Variants in DMD observed in about 807,000 individuals in gnomAD.
The protein encoded by DMD is mutant dystrophin.
In DMD, 63 loss-of-function variants were observed where a neutral mutation model predicts 330.1. The observed-to-expected ratio is 0.19, with a 90% CI of 0.16 to 0.24. The LOEUF (loss-of-function observed/expected upper bound fraction) is 0.24. Among genes scored for constraint, DMD ranks in the 10% least tolerant of loss-of-function variants. The pLI is 1.00. For missense variants in DMD, 3,344 were observed against 2,684.1 expected (o/e 1.25, Z -5.43); for synonymous variants, 1,223 against 959.8 (o/e 1.27, Z -5.07).
At chrX:32,691,963 A>C (rs2063313603) in intron 9 of DMD, among the ~76,000 whole-genome samples, 1 of 110,284 alleles carries the variant, frequency 9.1e-6, no homozygotes, top group African/African-American at 3.4e-5. Flanking sequence ...ACTCAAGCTG[A>C]TCAAATCAGA....
At chrX:32,308,610 T>C (rs897758049) in intron 42 of DMD, among the ~76,000 whole-genome samples, 16 of 110,910 alleles carry the variant, frequency 1.4e-4, no homozygotes, top group African/African-American at 4.9e-4. Context: ...TCTACAATAA[T>C]ACCATATTAT....
At chrX:32,506,323 G>T (rs771029570) in intron 18 of DMD, among the ~76,000 whole-genome samples, 2 of 105,244 alleles carry the variant, frequency 1.9e-5, no homozygotes, top group East Asian at 6.0e-4. Flanking sequence ...ATTGTGCTGT[G>T]AACCTATAAT....
At chrX:31,426,865 G>A (rs963577952) in intron 60 of DMD, among the ~76,000 whole-genome samples, 4 of 112,051 alleles carry the variant, frequency 3.6e-5, no homozygotes, top group Non-Finnish European at 5.6e-5. Flanking sequence ...CTGAAAAAAG[G>A]TTCTACTCAT....
chrX:33,113,427 T>C (rs1183334228), intron 1 of DMD, among the ~76,000 whole-genome samples: 1 of 112,104 alleles, frequency 8.9e-6, no homozygotes, highest in African/African-American at 3.2e-5. Flanking sequence ...AAAATAGTTT[T>C]TGATGTAAAA....
rs128626247 is a variant in DMD, at chrX:32,411,772, G to C, written c.4213C>G (p.Gln1405Glu). The change falls in exon 30 of 79, where the codon CAA (glutamine) becomes GAA (glutamate). Residue 1405 changes from glutamine (Q) to glutamate (E), a missense_variant. Gln to Glu is a conservative substitution (Grantham distance 29, BLOSUM62 2). Coordinates refer to ENST00000357033, the MANE Select transcript of DMD (RefSeq NM_004006.3). ...CTTGCCTGGGCTTCCTGAGGCATTT[G>C]AGCTGCGTCCACCTTGTCTGCAATA... ...AYIADKVDAA[Q>E]MPQEAQKIQS... 3.3e-6 allele frequency: 4 copies of C among 1,211,409 alleles called. No individual in the cohort carries two copies. Among genetic ancestry groups the C allele is most frequent in the Admixed American group, 2.2e-5 (1 of 45,977 alleles).
intron 44 of DMD, among the ~76,000 whole-genome samples, chrX:32,124,653 C>G (rs2096653017): frequency 9.0e-6 from 1 of 111,445 alleles, no homozygotes; most frequent in South Asian, 3.7e-4. Flanking sequence ...TAAAGAATGC[C>G]CAATATCTAG....
At chrX:31,214,094 C>T (rs5926996) in intron 64 of DMD, among the ~76,000 whole-genome samples, 8,418 of 74,907 alleles carry the variant, frequency 0.11, 309 homozygotes, top group Admixed American at 0.22. Flanking sequence ...TTTCTTTCCA[C>T]TGGGCTTCAC....
At chrX:31,323,498 T>A (rs2056566330) in intron 62 of DMD, 100 bp downstream of exon 62, 1 of 703,976 alleles carries the variant, frequency 1.4e-6, no homozygotes, top group African/African-American at 2.1e-5. Flanking sequence ...ACAGGTATTG[T>A]AGGCCAGGCT....
intron 67 of DMD, among the ~76,000 whole-genome samples, chrX:31,198,897 A>G (rs937873126): frequency 8.9e-6 from 1 of 112,033 alleles, no homozygotes; most frequent in Admixed American, 9.5e-5. Context: ...GTGTGCATGT[A>G]TGTGTTTTGG....
intron 25 of DMD, among the ~76,000 whole-genome samples, chrX:32,458,400 T>C (rs1393404110): frequency 2.7e-5 from 3 of 111,877 alleles, no homozygotes; most frequent in African/African-American, 9.7e-5. Context: ...TTTGACAATA[T>C]ACATTTAGAT....
intron 2 of DMD, among the ~76,000 whole-genome samples, chrX:32,937,981 G>T (rs976465354): frequency 9.0e-5 from 10 of 110,935 alleles, no homozygotes; most frequent in African/African-American, 3.3e-4. Context: ...TTTCAACGTT[G>T]GATACACATT....
At position 32,027,164 on chromosome X, in the gene DMD, G is replaced by GCGCGCACACA. The variant is rs1557075784; in HGVS notation, c.6439-58651_6439-58650insTGTGTGCGCG. Among the ~76,000 whole-genome samples the GCGCGCACACA allele has an allele frequency of 1.1e-4, 10 of 89,516 alleles. No individual in the cohort carries two copies. In the East Asian group the frequency reaches 3.4e-3, roughly 30 times the overall value. The allele number at this position is 89,516 out of a possible 115,157, so 77.7% of individuals were successfully genotyped here. ...TTATGACACACACACACACGCACGT[G>GCGCGCACACA]CACACACACACACACACACAGAGAG... On this transcript the variant is annotated intron_variant, in intron 44 of 78. Coordinates refer to ENST00000357033, the MANE Select transcript of DMD (RefSeq NM_004006.3).
intron 2 of DMD, among the ~76,000 whole-genome samples, chrX:32,942,724 T>C (rs2090517222): frequency 2.7e-5 from 3 of 111,834 alleles, no homozygotes; most frequent in Admixed American, 9.5e-5. Flanking sequence ...ATACTGTTTA[T>C]ATGTTTTCAA....
intron 55 of DMD, among the ~76,000 whole-genome samples, chrX:31,555,113 G>A (rs2074729683): frequency 8.9e-6 from 1 of 111,761 alleles, no homozygotes; most frequent in South Asian, 3.8e-4. Flanking sequence ...AGAGCATGAA[G>A]GGCCATGTAA....
At chrX:32,491,776 ATAAAATAT>A (rs1211062408) in intron 19 of DMD, among the ~76,000 whole-genome samples, 1 of 111,931 alleles carries the variant, frequency 8.9e-6, no homozygotes, top group Non-Finnish European at 1.9e-5. Context: ...ATATATGTAA[ATAAAATAT>A]TAAATAAAAA....
At chrX:32,996,617 G>A (rs905537123) in intron 2 of DMD, among the ~76,000 whole-genome samples, 1 of 111,403 alleles carries the variant, frequency 9.0e-6, no homozygotes, top group Non-Finnish European at 1.9e-5. Flanking sequence ...GAGGTCAGGA[G>A]TTCGAGACCA....
intron 17 of DMD, among the ~76,000 whole-genome samples, chrX:32,531,518 G>A (rs1321928874): frequency 9.0e-6 from 1 of 111,676 alleles, no homozygotes; most frequent in Admixed American, 9.5e-5. Context: ...ATCATTTTAA[G>A]CATCTTAATC....
At chrX:31,618,811 G>A (rs916924126) in intron 55 of DMD, among the ~76,000 whole-genome samples, 1 of 111,446 alleles carries the variant, frequency 9.0e-6, no homozygotes, top group Admixed American at 9.5e-5. Context: ...TTTGAATTTT[G>A]GGGTTTGGGA....
chrX:31,953,858 T>C (rs12009113), intron 45 of DMD, among the ~76,000 whole-genome samples: 26,877 of 111,069 alleles, frequency 0.24, 3,622 homozygotes, highest in African/African-American at 0.52. Flanking sequence ...AGATACCATG[T>C]TACATACTTC....
Sources: allele counts gnomAD v4.1 joint callset (sites outside exome capture counted in the v4.1 genomes callset), GRCh38; gene constraint gnomAD v4.1.1; transcripts MANE v1.5; gene names NCBI Gene and HGNC (gene_info 2026-07-23, HGNC 2026-07-21).